The following FYB1 variants were observed in gnomAD, a reference collection of about 807,000 sequenced individuals.
FYB1 encodes the protein FYN-binding protein 1.
FYB1 carries 41 observed loss-of-function variants against 94.1 expected under a neutral mutation model. That is an observed-to-expected ratio of 0.44 (90% confidence interval 0.34 to 0.57). The LOEUF is 0.57. Among genes scored for constraint, FYB1 ranks in the 20% least tolerant of loss-of-function variants. The pLI, the probability that FYB1 is intolerant of heterozygous loss-of-function variation, is 0.02. For missense variants in FYB1, 1,050 were observed against 976.8 expected (o/e 1.07, Z -1.00); for synonymous variants, 367 against 353.2 (o/e 1.04, Z -0.44).
chr5:39,145,203 TC>T (rs757767237), intron 3 of FYB1, among the ~76,000 whole-genome samples: 2 of 152,132 alleles, frequency 1.3e-5, no homozygotes, highest in Admixed American at 6.5e-5. Context: ...ATAAGAAAAA[TC>T]TAATTGCAAA....
chr5:39,205,834 T>C (rs1045437471), intron 1 of FYB1, among the ~76,000 whole-genome samples: 2 of 152,208 alleles, frequency 1.3e-5, no homozygotes, highest in African/African-American at 4.8e-5. Context: ...GAGGCTCAGT[T>C]TTCTACATCT....
chr5:39,242,452 C>T (rs1751256354), intron 1 of FYB1, among the ~76,000 whole-genome samples: 1 of 152,094 alleles, frequency 6.6e-6, no homozygotes, highest in African/African-American at 2.4e-5. Flanking sequence ...ATCCATGTCC[C>T]TACAAAGGAC....
intron 2 of FYB1, among the ~76,000 whole-genome samples, chr5:39,184,931 T>C (rs1302952920): frequency 6.6e-6 from 1 of 152,224 alleles, no homozygotes; most frequent in Non-Finnish European, 1.5e-5. Context: ...ATTAATTATA[T>C]GCCATGGACA....
chr5:39,179,809 G>C (rs1013133908), intron 2 of FYB1, among the ~76,000 whole-genome samples: 1 of 151,782 alleles, frequency 6.6e-6, no homozygotes, highest in African/African-American at 2.4e-5. Context: ...TCTCTCCAGG[G>C]GCCTGCACAT....
chr5:39,168,480 T>A (rs1660918041), intron 2 of FYB1, among the ~76,000 whole-genome samples: 1 of 152,228 alleles, frequency 6.6e-6, no homozygotes, highest in South Asian at 2.1e-4. Flanking sequence ...TTTGTGGATT[T>A]CTGAGAATGT....
intron 11 of FYB1, 43 bp downstream of exon 11, chr5:39,127,698 A>C: frequency 6.5e-7 from 1 of 1,543,088 alleles, no homozygotes; most frequent in South Asian, 1.3e-5. Context: ...ATTTCAATGT[A>C]TATATAATAA....
intron 1 of FYB1, among the ~76,000 whole-genome samples, chr5:39,235,164 G>A (rs532260112): frequency 2.8e-4 from 43 of 151,996 alleles, no homozygotes; most frequent in African/African-American, 9.6e-4. Context: ...TGTAGCTTGC[G>A]GGGTAGTGGA....
chr5:39,264,169 A>G (rs1311678806), intron 1 of FYB1, among the ~76,000 whole-genome samples: 3 of 152,144 alleles, frequency 2.0e-5, no homozygotes, highest in African/African-American at 7.2e-5. Context: ...ATTATTTTCA[A>G]TTTCAAGCAG....
intron 3 of FYB1, among the ~76,000 whole-genome samples, chr5:39,151,998 G>A (rs1743292922): frequency 6.6e-6 from 1 of 152,012 alleles, no homozygotes; most frequent in Admixed American, 6.5e-5. Context: ...TCCCCTTCTT[G>A]GGGAAAATTT....
At chr5:39,116,526 T>G (rs1256668626) in intron 16 of FYB1, among the ~76,000 whole-genome samples, 1 of 152,208 alleles carries the variant, frequency 6.6e-6, no homozygotes. Context: ...GTATTTGTAA[T>G]AGTACTTAGA....
chr5:39,174,551 G>A (rs1376844221), intron 2 of FYB1, among the ~76,000 whole-genome samples: 1 of 152,104 alleles, frequency 6.6e-6, no homozygotes, highest in Non-Finnish European at 1.5e-5. Flanking sequence ...AGGAAACCCT[G>A]AAAAACACTC....
At chr5:39,250,482 A>G (rs1751669701) in intron 1 of FYB1, among the ~76,000 whole-genome samples, 1 of 152,230 alleles carries the variant, frequency 6.6e-6, no homozygotes, top group Admixed American at 6.5e-5. Flanking sequence ...AACATTATCC[A>G]GAATAGATTT....
chr5:39,186,402 G>T (rs1204837013), intron 2 of FYB1, among the ~76,000 whole-genome samples: 2 of 152,040 alleles, frequency 1.3e-5, no homozygotes, highest in Admixed American at 6.6e-5. Flanking sequence ...CCAGCCTGGC[G>T]ACAGAGTGAG....
intron 1 of FYB1, among the ~76,000 whole-genome samples, chr5:39,273,598 T>G (rs995629305): frequency 6.6e-6 from 1 of 152,224 alleles, no homozygotes; most frequent in Non-Finnish European, 1.5e-5. Flanking sequence ...TTAGTCCTGC[T>G]AATAGAAGGG....
intron 14 of FYB1, 27 bp from the exon 15 acceptor site, chr5:39,119,661 A>C: frequency 2.1e-6 from 3 of 1,461,460 alleles, no homozygotes; most frequent in Non-Finnish European, 2.7e-6. Context: ...CACATAAAAC[A>C]ACACTTTGTT....
intron 2 of FYB1, among the ~76,000 whole-genome samples, chr5:39,198,988 A>G (rs975963541): frequency 4.6e-5 from 7 of 152,044 alleles, no homozygotes; most frequent in Non-Finnish European, 8.8e-5. Flanking sequence ...TGATTTGGTT[A>G]TGTCACATCT....
chr5:39,179,866 C>G (rs1746061920), intron 2 of FYB1, among the ~76,000 whole-genome samples: 1 of 152,152 alleles, frequency 6.6e-6, no homozygotes. Flanking sequence ...ATATCCTCTT[C>G]CCTCACTTGC....
intron 1 of FYB1, among the ~76,000 whole-genome samples, chr5:39,251,833 G>A (rs201664016): frequency 1.2e-4 from 19 of 152,084 alleles, no homozygotes; most frequent in Non-Finnish European, 2.5e-4. Context: ...AATTTAAAAG[G>A]TATGATAAAG....
chr5:39,181,443 A>G (rs1299735501), intron 2 of FYB1, among the ~76,000 whole-genome samples: 2 of 152,170 alleles, frequency 1.3e-5, no homozygotes, highest in South Asian at 2.1e-4. Flanking sequence ...ACAGTATAGA[A>G]CTGATAGATC....
Sources: allele counts gnomAD v4.1 joint callset (sites outside exome capture counted in the v4.1 genomes callset), GRCh38; gene constraint gnomAD v4.1.1; transcripts MANE v1.5; gene names NCBI Gene and HGNC (gene_info 2026-07-23, HGNC 2026-07-21).